Variants in CCDC178 observed in about 807,000 individuals in gnomAD.
CCDC178 encodes coiled-coil domain-containing protein 178.
Under a neutral mutation model 117.4 loss-of-function variants are expected in CCDC178, and 126 were observed. The observed-to-expected ratio is 1.07, with a 90% CI of 0.93 to 1.24. CCDC178 has a LOEUF of 1.24. Ranked by LOEUF, CCDC178 falls within the 50% of genes most tolerant of loss-of-function variation. CCDC178 has a pLI of 0.00. For synonymous variants in CCDC178, 283 were observed against 313.4 expected (o/e 0.90, Z 1.02); for missense variants, 1,030 against 986.9 (o/e 1.04, Z -0.59).
chr18:32,974,496 C>G (rs2054991780), intron 22 of CCDC178, 51 bp downstream of exon 22: 1 of 1,574,022 alleles, frequency 6.4e-7, no homozygotes, highest in African/African-American at 1.3e-5. Context: ...CCATCATTTG[C>G]TTTTCAATCT....
chr18:33,143,583 T>C (rs181532255), intron 20 of CCDC178, among the ~76,000 whole-genome samples: 56 of 152,274 alleles, frequency 3.7e-4, no homozygotes, highest in African/African-American at 1.3e-3. Context: ...ATGAAGTCTG[T>C]AGTGAAATAA....
At chr18:33,062,569 G>A (rs1221660862) in intron 21 of CCDC178, among the ~76,000 whole-genome samples, 1 of 152,152 alleles carries the variant, frequency 6.6e-6, no homozygotes, top group Non-Finnish European at 1.5e-5. Context: ...CGGACAGAAA[G>A]GTAAGCAAGA....
At position 33,236,071 on chromosome 18, in the gene CCDC178, T is replaced by C. The variant is rs561126913; in HGVS notation, c.1593+9174A>G. 1.1e-4 allele frequency among the ~76,000 whole-genome samples: 17 copies of C among 152,360 alleles called. 1 individual carries two copies. In the South Asian group the frequency reaches 3.3e-3, roughly 30 times the overall value. On this transcript the variant is annotated intron_variant, in intron 15 of 22. Coordinates refer to ENST00000383096, the MANE Select transcript of CCDC178 (RefSeq NM_001105528.4). ...TAAAACTTATCTGGCATTTTACAGA[T>C]GCATTAACTTGAGAGAACATAATTC...
chr18:33,235,631 G>A (rs2059417967), intron 15 of CCDC178, among the ~76,000 whole-genome samples: 1 of 152,088 alleles, frequency 6.6e-6, no homozygotes, highest in Non-Finnish European at 1.5e-5. Context: ...GAACCAGAGT[G>A]ACCTGATGTT....
At chr18:32,982,327 T>G (rs1259997192) in intron 21 of CCDC178, among the ~76,000 whole-genome samples, 1 of 152,126 alleles carries the variant, frequency 6.6e-6, no homozygotes, top group Non-Finnish European at 1.5e-5. Context: ...TTAATTAAAA[T>G]ACAAATACCA....
chr18:33,195,195 C>T (rs1568047696), intron 20 of CCDC178, among the ~76,000 whole-genome samples: 1 of 151,770 alleles, frequency 6.6e-6, no homozygotes, highest in East Asian at 1.9e-4. Context: ...ACTATCTATA[C>T]TAAAGAAAAG....
chr18:33,302,929 T>C (rs990924237), intron 11 of CCDC178, among the ~76,000 whole-genome samples: 1 of 152,106 alleles, frequency 6.6e-6, no homozygotes, highest in Non-Finnish European at 1.5e-5. Flanking sequence ...ATAGAAGGAA[T>C]AAGTTCTAGT....
chr18:33,196,574 C>G (rs181414137), intron 20 of CCDC178, among the ~76,000 whole-genome samples: 1 of 152,234 alleles, frequency 6.6e-6, no homozygotes, highest in Admixed American at 6.5e-5. Context: ...GAAGTGAGGG[C>G]AGTCTGGTGG....
intron 20 of CCDC178, among the ~76,000 whole-genome samples, chr18:33,143,764 A>G (rs1019214321): frequency 1.3e-5 from 2 of 152,106 alleles, no homozygotes; most frequent in African/African-American, 4.8e-5. Context: ...TTGTTCATAA[A>G]CCTTTATAAA....
At chr18:33,348,646 A>C (rs769295905) in intron 8 of CCDC178, among the ~76,000 whole-genome samples, 1 of 151,910 alleles carries the variant, frequency 6.6e-6, no homozygotes, top group Non-Finnish European at 1.5e-5. Context: ...TAGCTTCTTG[A>C]GAAGTGGATA....
At chr18:33,323,449 A>T in intron 11 of CCDC178, 42 bp downstream of exon 11, 8 of 1,286,340 alleles carry the variant, frequency 6.2e-6, no homozygotes, top group Non-Finnish European at 8.2e-6. Context: ...CTTAACATTT[A>T]ATTTCTAAAT....
intron 22 of CCDC178, among the ~76,000 whole-genome samples, chr18:32,960,177 T>C (rs1262465973): frequency 6.6e-6 from 1 of 152,148 alleles, no homozygotes; most frequent in Non-Finnish European, 1.5e-5. Flanking sequence ...TGTTTATCTT[T>C]TGTTTATCTT....
At chr18:33,167,866 C>CCAAATAAATAAATAAATAAA (rs1796227007) in intron 20 of CCDC178, among the ~76,000 whole-genome samples, 1 of 148,620 alleles carries the variant, frequency 6.7e-6, no homozygotes, top group South Asian at 2.2e-4. Context: ...GACTCTGTCT[C>CCAAATAAATAAATAAATAAA]TAAATAAATA....
At chr18:33,110,390 A>G (rs141003158) in intron 20 of CCDC178, among the ~76,000 whole-genome samples, 117 of 151,666 alleles carry the variant, frequency 7.7e-4, no homozygotes, top group Non-Finnish European at 1.5e-3. Flanking sequence ...GAACATCTCA[A>G]TTTTTAAAAG....
chr18:33,309,356 A>G (rs187534396), intron 11 of CCDC178, among the ~76,000 whole-genome samples: 3 of 152,318 alleles, frequency 2.0e-5, no homozygotes, highest in East Asian at 1.9e-4. Flanking sequence ...ATGACTGGAA[A>G]TAATGACTAG....
intron 11 of CCDC178, among the ~76,000 whole-genome samples, chr18:33,312,788 G>T (rs991753976): frequency 6.6e-6 from 1 of 152,176 alleles, no homozygotes; most frequent in South Asian, 2.1e-4. Flanking sequence ...TCCAGTTACA[G>T]GTAATGCTTA....
intron 21 of CCDC178, among the ~76,000 whole-genome samples, chr18:33,014,226 T>A (rs1321878304): frequency 6.6e-6 from 1 of 152,200 alleles, no homozygotes; most frequent in Non-Finnish European, 1.5e-5. Flanking sequence ...TGTCACTATT[T>A]GATCTGCCCA....
intron 20 of CCDC178, among the ~76,000 whole-genome samples, chr18:33,134,825 AG>A (rs367745999): frequency 5.5e-4 from 84 of 152,228 alleles, no homozygotes; most frequent in African/African-American, 1.9e-3. Context: ...TCATTAGCAG[AG>A]GAGAAGATAC....
rs2058822761 is a variant in CCDC178, at chr18:33,188,615, T to C, written c.2238+23281A>G. 2.0e-5 allele frequency among the ~76,000 whole-genome samples: 3 copies of C among 152,062 alleles called. No homozygotes were observed. In the South Asian group the frequency reaches 6.2e-4, roughly 32 times the overall value. On this transcript the variant is annotated intron_variant, in intron 20 of 22. Coordinates refer to ENST00000383096, the MANE Select transcript of CCDC178 (RefSeq NM_001105528.4). ...AGAAAAAGGTCTCTAGGACTAAGAG[T>C]GGCCATGGGCAATAACCAGCAACTA...
Sources: allele counts gnomAD v4.1 joint callset (sites outside exome capture counted in the v4.1 genomes callset), GRCh38; gene constraint gnomAD v4.1.1; transcripts MANE v1.5; gene names NCBI Gene and HGNC (gene_info 2026-07-23, HGNC 2026-07-21).